Variants in C8orf34 observed in about 807,000 individuals in gnomAD.
C8orf34 encodes uncharacterized protein C8orf34.
Under a neutral mutation model 68.3 loss-of-function variants are expected in C8orf34, and 65 were observed. The observed-to-expected ratio is 0.95, with a 90% CI of 0.78 to 1.17. The LOEUF is 1.17. C8orf34 is among the 50% of genes most tolerant of loss of function. C8orf34 has a pLI of 0.00. For synonymous variants in C8orf34, 244 were observed against 241.2 expected, an observed-to-expected ratio of 1.01 and a Z score of -0.11; for missense variants, 664 against 655.4, an observed-to-expected ratio of 1.01 and a Z score of -0.14.
chr8:68,337,393 G>A (rs7017437), intron 1 of C8orf34, among the ~76,000 whole-genome samples: 61,410 of 151,888 alleles, frequency 0.4, 12,573 homozygotes, highest in Non-Finnish European at 0.44. Context: ...AGCTAATAGA[G>A]AAAATCTACA....
At chr8:68,596,228 T>C (rs1817542395) in intron 7 of C8orf34, among the ~76,000 whole-genome samples, 1 of 151,992 alleles carries the variant, frequency 6.6e-6, no homozygotes, top group South Asian at 2.1e-4. Flanking sequence ...GAGATGGAGG[T>C]GAGACAGAGA....
At chr8:68,675,613 A>G (rs1479316676) in intron 8 of C8orf34, among the ~76,000 whole-genome samples, 1 of 152,080 alleles carries the variant, frequency 6.6e-6, no homozygotes, top group East Asian at 1.9e-4. Flanking sequence ...GAAATAAAAC[A>G]TACCACCAGA....
chr8:68,764,017 G>A (rs899661128), intron 10 of C8orf34, among the ~76,000 whole-genome samples: 6 of 152,132 alleles, frequency 3.9e-5, no homozygotes, highest in Non-Finnish European at 8.8e-5. Context: ...GACCTGCATT[G>A]GCCTCTTTCC....
intron 1 of C8orf34, among the ~76,000 whole-genome samples, chr8:68,337,252 C>T (rs1332605101): frequency 1.3e-5 from 2 of 152,104 alleles, no homozygotes; most frequent in Admixed American, 6.5e-5. Flanking sequence ...GACACTACTT[C>T]GTTCAAGTGA....
In C8orf34 at chr8:68,460,992, C is replaced by A. The variant is rs560313933; in HGVS notation, c.608-7700C>A. Among the ~76,000 whole-genome samples the A allele has an allele frequency of 4.4e-3, 665 of 152,274 alleles. 8 individuals carry two copies. The highest frequency in any genetic ancestry group is 0.015 in the African/African-American group (633 of 41,558). ...GAAGGCTTCAGATGATCAAACTACT[C>A]CGAGCTACAGGAAGAAATTCAAACC... On this transcript the variant is annotated intron_variant, in intron 3 of 13. Coordinates refer to ENST00000518698, the MANE Select transcript of C8orf34 (RefSeq NM_052958.4).
chr8:68,455,972 G>A lies in C8orf34; in HGVS notation c.607+9512G>A, dbSNP rs192714745. ...AAAAAAAATTTCTGTCTAGCCGGGC[G>A]TGGTGGCTCACGCCTGTAATTCCAG... On this transcript the variant is annotated intron_variant, in intron 3 of 13. Coordinates refer to ENST00000518698, the MANE Select transcript of C8orf34 (RefSeq NM_052958.4). Among the ~76,000 whole-genome samples the A allele has an allele frequency of 4.8e-3, 727 of 151,938 alleles. 4 individuals carry two copies. The highest frequency in any genetic ancestry group is 0.031 in the Middle Eastern group (9 of 292).
chr8:68,663,629 T>C (rs1017225630), intron 8 of C8orf34, among the ~76,000 whole-genome samples: 1 of 152,202 alleles, frequency 6.6e-6, no homozygotes, highest in Non-Finnish European at 1.5e-5. Flanking sequence ...AGAGGACCCC[T>C]GCTATGTTGT....
At chr8:68,531,818 G>C (rs1457563145) in intron 6 of C8orf34, among the ~76,000 whole-genome samples, 1 of 152,054 alleles carries the variant, frequency 6.6e-6, no homozygotes, top group Non-Finnish European at 1.5e-5. Flanking sequence ...AAGGTGGAAT[G>C]GTTAGGAACC....
At chr8:68,516,044 G>A (rs1230241398) in intron 5 of C8orf34, among the ~76,000 whole-genome samples, 2 of 152,160 alleles carry the variant, frequency 1.3e-5, no homozygotes, top group Non-Finnish European at 2.9e-5. Flanking sequence ...ACAGAATTGT[G>A]TTCCAAAAAC....
intron 3 of C8orf34, among the ~76,000 whole-genome samples, chr8:68,464,914 C>T (rs948212737): frequency 4.6e-5 from 7 of 151,766 alleles, no homozygotes; most frequent in Non-Finnish European, 7.4e-5. Context: ...TCTAAAACAC[C>T]AAAAGCAATG....
chr8:68,806,452 C>T (rs192849308), intron 12 of C8orf34, among the ~76,000 whole-genome samples: 3 of 151,888 alleles, frequency 2.0e-5, no homozygotes, highest in Non-Finnish European at 2.9e-5. Context: ...TCTTTCAGCA[C>T]GTCAAAGATA....
chr8:68,645,581 GTTTC>G (rs1256347138), intron 8 of C8orf34, among the ~76,000 whole-genome samples: 2 of 151,994 alleles, frequency 1.3e-5, no homozygotes, highest in Non-Finnish European at 2.9e-5. Context: ...TGTTGTTGTT[GTTTC>G]TTAAGAGTTT....
chr8:68,373,976 C>T (rs987850800), intron 1 of C8orf34, among the ~76,000 whole-genome samples: 12 of 152,174 alleles, frequency 7.9e-5, no homozygotes, highest in Admixed American at 2.0e-4. Flanking sequence ...AGCACAATGG[C>T]ATGATTATAG....
At chr8:68,644,738 A>G (rs569522350) in intron 8 of C8orf34, among the ~76,000 whole-genome samples, 72 of 152,306 alleles carry the variant, frequency 4.7e-4, no homozygotes, top group Non-Finnish European at 8.2e-4. Flanking sequence ...GTTTAAGGCA[A>G]GCAGCCTGCA....
At chr8:68,680,539 G>T (rs1274333866) in intron 8 of C8orf34, among the ~76,000 whole-genome samples, 1 of 152,106 alleles carries the variant, frequency 6.6e-6, no homozygotes, top group African/African-American at 2.4e-5. Flanking sequence ...AGGGGAGGGG[G>T]TGTAAAACAG....
chr8:68,657,500 C>T (rs139880083), intron 8 of C8orf34, among the ~76,000 whole-genome samples: 196 of 152,268 alleles, frequency 1.3e-3, no homozygotes, highest in African/African-American at 4.0e-3. Flanking sequence ...TCCCAGTCTA[C>T]GGAACTGTGA....
intron 5 of C8orf34, among the ~76,000 whole-genome samples, chr8:68,495,274 A>AATAC (rs960499148): frequency 6.7e-6 from 1 of 148,832 alleles, no homozygotes; most frequent in African/African-American, 2.5e-5. Flanking sequence ...ATGTAACAAT[A>AATAC]ATATATATAT....
At chr8:68,373,967 G>T (rs780282673) in intron 1 of C8orf34, among the ~76,000 whole-genome samples, 6 of 152,266 alleles carry the variant, frequency 3.9e-5, no homozygotes, top group South Asian at 2.1e-4. Flanking sequence ...CCAGGCTAAA[G>T]CACAATGGCA....
chr8:68,438,621 T>C (rs563006784), intron 1 of C8orf34: 1 of 152,250 alleles, frequency 6.6e-6, no homozygotes, highest in South Asian at 2.1e-4. Context: ...CAAGATGAAA[T>C]GTGACTGATA....
Sources: allele counts gnomAD v4.1 joint callset (sites outside exome capture counted in the v4.1 genomes callset), GRCh38; gene constraint gnomAD v4.1.1; transcripts MANE v1.5; gene names NCBI Gene and HGNC (gene_info 2026-07-23, HGNC 2026-07-21).